The following ZRANB3 variants were observed in gnomAD, a reference collection of about 807,000 sequenced individuals.
ZRANB3 encodes zinc finger RANBP2-type containing 3.
Under a neutral mutation model 133.8 loss-of-function variants are expected in ZRANB3, and 125 were observed. The observed-to-expected ratio is 0.93, with a 90% confidence interval of 0.81 to 1.08. The LOEUF (loss-of-function observed/expected upper bound fraction) is 1.08. Among genes scored for constraint, ZRANB3 ranks in the 50% least tolerant of loss-of-function variants. ZRANB3 has a pLI of 0.00. For synonymous variants in ZRANB3, 387 were observed against 432.7 expected (o/e 0.89, Z 1.31); for missense variants, 1,229 against 1,275.5 (o/e 0.96, Z 0.56).
intron 8 of ZRANB3, among the ~76,000 whole-genome samples, chr2:135,304,671 C>G (rs1243425861): frequency 6.6e-6 from 1 of 151,966 alleles, no homozygotes; most frequent in Non-Finnish European, 1.5e-5. Context: ...ATTGAGGCCT[C>G]AAATTTTCAT....
chr2:135,342,423 T>G (rs748619321), intron 6 of ZRANB3, among the ~76,000 whole-genome samples: 1 of 149,898 alleles, frequency 6.7e-6, no homozygotes, highest in Non-Finnish European at 1.5e-5. Flanking sequence ...TTCTCAGTCT[T>G]CCAAATAAAT....
intron 1 of ZRANB3, among the ~76,000 whole-genome samples, chr2:135,519,948 A>G (rs1693855330): frequency 6.6e-6 from 1 of 152,170 alleles, no homozygotes; most frequent in Non-Finnish European, 1.5e-5. Context: ...TAGGAAGAGG[A>G]TATGGTATAT....
At chr2:135,458,068 TG>T (rs2105013212) in intron 2 of ZRANB3, among the ~76,000 whole-genome samples, 1 of 152,268 alleles carries the variant, frequency 6.6e-6, no homozygotes, top group Admixed American at 6.5e-5. Context: ...AGTTAATTTT[TG>T]TGAATAGTGT....
intron 2 of ZRANB3, among the ~76,000 whole-genome samples, chr2:135,454,876 G>T (rs1690429502): frequency 6.6e-6 from 1 of 152,076 alleles, no homozygotes; most frequent in Non-Finnish European, 1.5e-5. Flanking sequence ...CTTTGTAATT[G>T]TGAATTGTGC....
At chr2:135,391,815 G>A (rs574128301) in intron 2 of ZRANB3, among the ~76,000 whole-genome samples, 9 of 152,066 alleles carry the variant, frequency 5.9e-5, no homozygotes, top group South Asian at 2.1e-4. Flanking sequence ...TCCTGACCTC[G>A]TGATCCACCC....
At chr2:135,502,682 G>T (rs1693003171) in intron 2 of ZRANB3, among the ~76,000 whole-genome samples, 2 of 152,164 alleles carry the variant, frequency 1.3e-5, no homozygotes, top group South Asian at 4.1e-4. Context: ...AGGAGTTAAA[G>T]GCTGTCAAAT....
At chr2:135,530,901 T>C (rs1320039852) in intron 1 of ZRANB3, among the ~76,000 whole-genome samples, 2 of 152,066 alleles carry the variant, frequency 1.3e-5, no homozygotes, top group African/African-American at 4.8e-5. Context: ...GGGAAAAGCA[T>C]GTTGGGAATC....
At chr2:135,376,487 C>A (rs1432473547) in intron 3 of ZRANB3, among the ~76,000 whole-genome samples, 2 of 152,112 alleles carry the variant, frequency 1.3e-5, no homozygotes, top group Non-Finnish European at 2.9e-5. Context: ...TACATCCATA[C>A]AATGCAATAT....
intron 6 of ZRANB3, among the ~76,000 whole-genome samples, chr2:135,340,272 A>T (rs1304678259): frequency 6.6e-6 from 1 of 151,662 alleles, no homozygotes; most frequent in African/African-American, 2.4e-5. Context: ...CGCCCAGCTA[A>T]TTTTTGTATT....
intron 6 of ZRANB3, among the ~76,000 whole-genome samples, chr2:135,323,589 T>C (rs551901014): frequency 3.2e-4 from 49 of 152,238 alleles, no homozygotes; most frequent in Middle Eastern, 6.8e-3. Flanking sequence ...AAGAGTAGAA[T>C]GTAAATTACA....
chr2:135,273,918 T>C (rs906470157), intron 9 of ZRANB3, among the ~76,000 whole-genome samples: 4 of 152,138 alleles, frequency 2.6e-5, no homozygotes, highest in African/African-American at 9.7e-5. Context: ...AAAAAGACTA[T>C]TATACTTGGA....
intron 3 of ZRANB3, among the ~76,000 whole-genome samples, chr2:135,377,431 G>T (rs548141671): frequency 6.6e-6 from 1 of 152,014 alleles, no homozygotes; most frequent in African/African-American, 2.4e-5. Context: ...TTTGAAAAAT[G>T]ACTGATTCTA....
chr2:135,382,389 G>A (rs1023448869), intron 3 of ZRANB3, among the ~76,000 whole-genome samples: 10 of 152,148 alleles, frequency 6.6e-5, no homozygotes, highest in Non-Finnish European at 1.3e-4. Flanking sequence ...AAAGTGACGG[G>A]GCGAATGGAA....
chr2:135,444,628 G>A (rs752749758), intron 2 of ZRANB3, among the ~76,000 whole-genome samples: 2 of 152,112 alleles, frequency 1.3e-5, no homozygotes, highest in African/African-American at 4.8e-5. Context: ...AGGAAAAAAA[G>A]CAACATCATT....
chr2:135,315,090 A>C (rs1465357826), intron 7 of ZRANB3, among the ~76,000 whole-genome samples: 1 of 151,988 alleles, frequency 6.6e-6, no homozygotes, highest in Non-Finnish European at 1.5e-5. Flanking sequence ...TTAATACTAC[A>C]TCTCTGTTGC....
intron 1 of ZRANB3, among the ~76,000 whole-genome samples, chr2:135,522,660 C>T (rs1188127807): frequency 1.3e-5 from 2 of 151,934 alleles, no homozygotes; most frequent in South Asian, 2.1e-4. Flanking sequence ...ATTAGCCAGG[C>T]CGAGATCACA....
chr2:135,489,346 A>G (rs180759458), intron 2 of ZRANB3, among the ~76,000 whole-genome samples: 5,405 of 148,396 alleles, frequency 0.036, 375 homozygotes, highest in African/African-American at 0.13. Context: ...ATTAGGAGAT[A>G]TACCTAATGC....
chr2:135,244,091 G>T, intron 12 of ZRANB3, among the ~76,000 whole-genome samples: 1 of 141,158 alleles, frequency 7.1e-6, no homozygotes, highest in African/African-American at 2.7e-5. Context: ...AATGACTTAT[G>T]TCTCCATTTC....
intron 17 of ZRANB3, among the ~76,000 whole-genome samples, chr2:135,213,892 G>T (rs1694201648): frequency 2.0e-5 from 3 of 152,180 alleles, no homozygotes; most frequent in Admixed American, 2.0e-4. Context: ...AAAAGCAGAA[G>T]ACGAAGGCAG....
Sources: allele counts gnomAD v4.1 joint callset (sites outside exome capture counted in the v4.1 genomes callset), GRCh38; gene constraint gnomAD v4.1.1; transcripts MANE v1.5; gene names NCBI Gene and HGNC (gene_info 2026-07-23, HGNC 2026-07-21).